LIPI: variants seen among roughly 807,000 people sequenced by gnomAD.
The protein encoded by LIPI is lipase I.
LIPI carries 59 observed loss-of-function variants against 50.6 expected under a neutral mutation model. That is an observed-to-expected ratio of 1.16 (90% CI 0.94 to 1.45). The LOEUF (loss-of-function observed/expected upper bound fraction) is 1.45. Among genes scored for constraint, LIPI ranks in the 40% most tolerant of loss-of-function variants. The probability of loss-of-function intolerance (pLI) is 0.00; values close to 1 mark genes in which losing one functional copy is unlikely to be tolerated. For synonymous variants in LIPI, 203 were observed against 178.2 expected (o/e 1.14, Z -1.11); for missense variants, 586 against 536.3 (o/e 1.09, Z -0.92).
chr21:14,120,857 G>T (rs913759741), intron 9 of LIPI, among the ~76,000 whole-genome samples: 1 of 152,130 alleles, frequency 6.6e-6, no homozygotes, highest in African/African-American at 2.4e-5. Flanking sequence ...ATTCTCGTAG[G>T]GCAATATTTC....
At chr21:14,177,792 T>C (rs764386021) in intron 4 of LIPI, among the ~76,000 whole-genome samples, 12 of 152,124 alleles carry the variant, frequency 7.9e-5, no homozygotes, top group Non-Finnish European at 1.5e-4. Flanking sequence ...CATCAACATA[T>C]GCTTAGATTT....
At position 14,120,895 on chromosome 21, in the gene LIPI, C is replaced by T. The variant is rs375960022; in HGVS notation, c.1296-11815G>A. 1.4e-4 allele frequency among the ~76,000 whole-genome samples: 22 copies of T among 152,276 alleles called. 2 individuals carry two copies. The highest frequency in any genetic ancestry group is 5.8e-4 in the East Asian group (3 of 5,174). On this transcript the variant is annotated intron_variant, in intron 9 of 9. Transcript: ENST00000681601. ...TGTGCCATGCCTAACTGCCATCACT[C>T]GAGCCATCTGTGAGCAGTGTGTTAC...
chr21:14,202,364 C>T (rs942207657), intron 1 of LIPI, among the ~76,000 whole-genome samples: 2 of 152,110 alleles, frequency 1.3e-5, no homozygotes, highest in Non-Finnish European at 2.9e-5. Context: ...ATAAAGAGCC[C>T]ACATTGCCAA....
chr21:14,152,100 TTTA>T (rs2018114871), intron 8 of LIPI, among the ~76,000 whole-genome samples: 1 of 150,990 alleles, frequency 6.6e-6, no homozygotes, highest in East Asian at 1.9e-4. Flanking sequence ...TATTTATTTA[TTTA>T]TTTATTTATT....
intron 2 of LIPI, among the ~76,000 whole-genome samples, chr21:14,186,666 A>G (rs1341032795): frequency 6.6e-6 from 1 of 152,196 alleles, no homozygotes; most frequent in Admixed American, 6.5e-5. Flanking sequence ...TCTAATCCCC[A>G]AGGTGATGAT....
chr21:14,198,536 G>C (rs373294764), intron 1 of LIPI, among the ~76,000 whole-genome samples: 1 of 151,990 alleles, frequency 6.6e-6, no homozygotes, highest in Non-Finnish European at 1.5e-5. Flanking sequence ...TTACATAATG[G>C]TAAAGGGTTC....
chr21:14,117,822 G>A (rs1311469174), intron 9 of LIPI, among the ~76,000 whole-genome samples: 2 of 152,086 alleles, frequency 1.3e-5, no homozygotes, highest in Non-Finnish European at 2.9e-5. Flanking sequence ...CAACCAAAGT[G>A]TTTGTAAATT....
intron 7 of LIPI, among the ~76,000 whole-genome samples, chr21:14,153,738 G>A (rs1459562216): frequency 1.3e-5 from 2 of 152,082 alleles, no homozygotes; most frequent in African/African-American, 4.8e-5. Context: ...TGATGCTAAA[G>A]GACAAAGCTG....
intron 4 of LIPI, among the ~76,000 whole-genome samples, chr21:14,180,520 T>A (rs972517248): frequency 2.0e-5 from 3 of 152,196 alleles, no homozygotes; most frequent in African/African-American, 7.2e-5. Flanking sequence ...AGAACCTACA[T>A]TGAAATATCG....
chr21:14,184,097 C>A (rs940941641), intron 3 of LIPI, among the ~76,000 whole-genome samples: 1 of 152,080 alleles, frequency 6.6e-6, no homozygotes, highest in Non-Finnish European at 1.5e-5. Context: ...CAACGATAGA[C>A]CGGATTAAGA....
At chr21:14,194,270 C>T (rs374230376) in intron 1 of LIPI, among the ~76,000 whole-genome samples, 3 of 152,122 alleles carry the variant, frequency 2.0e-5, no homozygotes, top group East Asian at 3.9e-4. Flanking sequence ...GAAAATAAAC[C>T]TACCATATTA....
chr21:14,186,248 A>C (rs1034190682), intron 2 of LIPI, among the ~76,000 whole-genome samples, 179 bp from the exon 3 acceptor site: 1 of 152,194 alleles, frequency 6.6e-6, no homozygotes, highest in African/African-American at 2.4e-5. Flanking sequence ...CTTTTGCCAC[A>C]AAATATTTGA....
intron 4 of LIPI, among the ~76,000 whole-genome samples, chr21:14,169,224 T>C (rs1322227963): frequency 6.6e-6 from 1 of 151,942 alleles, no homozygotes; most frequent in African/African-American, 2.4e-5. Flanking sequence ...AAGTCCTGAG[T>C]GACCTACAAA....
intron 4 of LIPI, among the ~76,000 whole-genome samples, chr21:14,167,871 CTT>C (rs1490332827): frequency 2.0e-5 from 3 of 152,224 alleles, no homozygotes; most frequent in African/African-American, 4.8e-5. Context: ...TGGAGAATGA[CTT>C]TGACAAGCTG....
At chr21:14,183,185 T>A (rs1295826193) in intron 3 of LIPI, among the ~76,000 whole-genome samples, 2 of 152,180 alleles carry the variant, frequency 1.3e-5, no homozygotes, top group Non-Finnish European at 2.9e-5. Context: ...TCTACAACTA[T>A]CTGATCTTTG....
intron 9 of LIPI, among the ~76,000 whole-genome samples, chr21:14,114,152 T>G (rs1600821904): frequency 1.4e-5 from 2 of 147,014 alleles, no homozygotes; most frequent in African/African-American, 2.5e-5. Flanking sequence ...CACTCCAGCC[T>G]GGGCAACAGG....
intron 9 of LIPI, among the ~76,000 whole-genome samples, chr21:14,114,548 T>C (rs1461649750): frequency 1.3e-5 from 2 of 152,094 alleles, no homozygotes; most frequent in Admixed American, 6.6e-5. Context: ...AGGAAGCCAC[T>C]CCAGCAGCTG....
intron 7 of LIPI, among the ~76,000 whole-genome samples, chr21:14,153,445 T>C (rs972599746): frequency 6.6e-6 from 1 of 152,190 alleles, no homozygotes; most frequent in Admixed American, 6.5e-5. Context: ...TAAATGGGCA[T>C]TCAGACTTGC....
intron 9 of LIPI, among the ~76,000 whole-genome samples, chr21:14,112,545 T>A (rs2016456581): frequency 6.6e-6 from 1 of 152,096 alleles, no homozygotes; most frequent in East Asian, 1.9e-4. Flanking sequence ...GTGTAAGAAT[T>A]GTTTACCTTT....
Sources: gnomAD v4.1 joint callset for allele counts (sites outside exome capture counted in the v4.1 genomes callset) on GRCh38, gnomAD v4.1.1 for gene constraint, MANE v1.5 for transcripts, NCBI Gene and HGNC (gene_info 2026-07-23, HGNC 2026-07-21) for gene names.